Variants in BTG4 observed in about 807,000 individuals in gnomAD.
The protein encoded by BTG4 is BTG anti-proliferation factor 4, also known as protein BTG4.
Under a neutral mutation model 19.3 loss-of-function variants are expected in BTG4, and 10 were observed. The observed-to-expected ratio is 0.52, with a 90% CI of 0.32 to 0.88. The LOEUF is 0.88. Ranked by LOEUF, BTG4 falls within the 40% of genes least tolerant of loss-of-function variation. The pLI is 0.04. For synonymous variants in BTG4, 91 were observed against 95.7 expected (o/e 0.95, Z 0.29); for missense variants, 238 against 281.9 (o/e 0.84, Z 1.11).
chr11:111,401,776 G>A, the BTG4 span, among the ~76,000 whole-genome samples: 1 of 152,108 alleles, frequency 6.6e-6, no homozygotes, highest in East Asian at 1.9e-4. Flanking sequence ...TACTAAATTA[G>A]ACTATAATCT....
At chr11:111,401,374 CA>C in the BTG4 span, among the ~76,000 whole-genome samples, 1 of 151,638 alleles carries the variant, frequency 6.6e-6, no homozygotes, top group African/African-American at 2.4e-5. Context: ...CCCAGCTACT[CA>C]GGGGGCTGAG....
At chr11:111,424,061 G>A in the BTG4 span, among the ~76,000 whole-genome samples, 1 of 152,190 alleles carries the variant, frequency 6.6e-6, no homozygotes, top group Non-Finnish European at 1.5e-5. Flanking sequence ...AGGGAAATGA[G>A]CACAGGCTCA....
intron 5 of BTG4, among the ~76,000 whole-genome samples, chr11:111,487,957 A>G (rs1865165870): frequency 6.6e-6 from 1 of 152,208 alleles, no homozygotes; most frequent in Non-Finnish European, 1.5e-5. Flanking sequence ...GAAATTGAAG[A>G]GCACACAAAA....
the BTG4 span, chr11:111,385,199 C>T: frequency 6.6e-6 from 1 of 152,010 alleles, no homozygotes; most frequent in South Asian, 2.1e-4. Flanking sequence ...CAAAGTTTAG[C>T]TTTTAAATTT....
downstream of BTG4, among the ~76,000 whole-genome samples, chr11:111,493,676 C>T (rs1865552399): frequency 1.3e-5 from 2 of 152,166 alleles, no homozygotes; most frequent in Non-Finnish European, 2.9e-5. Flanking sequence ...TTCACAACAA[C>T]TCCCACACTA....
At chr11:111,400,213 C>A in the BTG4 span, among the ~76,000 whole-genome samples, 1 of 152,192 alleles carries the variant, frequency 6.6e-6, no homozygotes, top group South Asian at 2.1e-4. Flanking sequence ...GATACCAGAG[C>A]AAATGATTGT....
At chr11:111,511,287 A>T (rs1223148314) in intron 1 of BTG4, among the ~76,000 whole-genome samples, 1 of 152,226 alleles carries the variant, frequency 6.6e-6, no homozygotes, top group Admixed American at 6.5e-5. Context: ...ATGCATTTGG[A>T]AAAAAAGTGC....
chr11:111,478,775 A>T (rs889969747), intron 5 of BTG4, among the ~76,000 whole-genome samples: 1 of 152,128 alleles, frequency 6.6e-6, no homozygotes, highest in Non-Finnish European at 1.5e-5. Context: ...AGGAAAAATC[A>T]TCAATGTTTT....
chr11:111,386,148 A>G, the BTG4 span: 3 of 152,194 alleles, frequency 2.0e-5, no homozygotes, highest in African/African-American at 7.2e-5. Context: ...ACAAAGAACA[A>G]GTTGTCCTAT....
At chr11:111,406,244 A>G in the BTG4 span, among the ~76,000 whole-genome samples, 5 of 152,334 alleles carry the variant, frequency 3.3e-5, no homozygotes, top group African/African-American at 9.6e-5. Flanking sequence ...CCTCTTGAGT[A>G]GCTGAGACTA....
intron 1 of BTG4, among the ~76,000 whole-genome samples, chr11:111,502,109 A>G (rs1003559686): frequency 6.6e-6 from 1 of 151,830 alleles, no homozygotes; most frequent in Non-Finnish European, 1.5e-5. Context: ...AAAAATACCA[A>G]TGTCTGCCTC....
At chr11:111,510,357 G>T (rs1040868324) in intron 1 of BTG4, among the ~76,000 whole-genome samples, 1 of 152,120 alleles carries the variant, frequency 6.6e-6, no homozygotes, top group Non-Finnish European at 1.5e-5. Context: ...CATCAACCTT[G>T]TCTCTCCTGA....
At chr11:111,480,827 G>C (rs542344814) in intron 5 of BTG4, among the ~76,000 whole-genome samples, 7 of 151,470 alleles carry the variant, frequency 4.6e-5, no homozygotes, top group African/African-American at 7.3e-5. Flanking sequence ...ATAATACTAA[G>C]TATATACATT....
At chr11:111,411,305 C>A in the BTG4 span, among the ~76,000 whole-genome samples, 1 of 152,200 alleles carries the variant, frequency 6.6e-6, no homozygotes, top group Non-Finnish European at 1.5e-5. Flanking sequence ...CACTCTGCTC[C>A]AGGCACACTG....
the BTG4 span, among the ~76,000 whole-genome samples, chr11:111,435,357 C>A: frequency 3.9e-5 from 6 of 152,088 alleles, no homozygotes; most frequent in East Asian, 1.2e-3. Context: ...GGGGACACCA[C>A]CGCCACCACC....
the BTG4 span, among the ~76,000 whole-genome samples, chr11:111,436,757 CG>C: frequency 1.2e-4 from 18 of 152,364 alleles, 1 homozygote; most frequent in Middle Eastern, 6.8e-3. Flanking sequence ...GCCCCTCCCC[CG>C]GCAGGTGCCC....
chr11:111,417,123 A>G, the BTG4 span: 1 of 152,202 alleles, frequency 6.6e-6, no homozygotes, highest in Admixed American at 6.5e-5. Context: ...GATGACTCCA[A>G]TACACCTGCC....
intron 5 of BTG4, among the ~76,000 whole-genome samples, chr11:111,489,665 C>T (rs1320883167): frequency 1.3e-5 from 2 of 151,894 alleles, no homozygotes; most frequent in African/African-American, 4.8e-5. Context: ...AGAATAAAAT[C>T]CTTCATAAAA....
chr11:111,495,913 G>GA (rs1005439141), intron 4 of BTG4, among the ~76,000 whole-genome samples: 3 of 152,008 alleles, frequency 2.0e-5, no homozygotes, highest in African/African-American at 7.2e-5. Context: ...TAAGACTGAG[G>GA]AAAAAAATGG....
Sources: gnomAD v4.1 joint callset for allele counts (sites outside exome capture counted in the v4.1 genomes callset) on GRCh38, gnomAD v4.1.1 for gene constraint, MANE v1.5 for transcripts, NCBI Gene and HGNC (gene_info 2026-07-23, HGNC 2026-07-21) for gene names.